Variants in EXOC3L2 observed in about 807,000 individuals in gnomAD.
EXOC3L2 encodes the protein exocyst complex component 3-like protein 2.
A neutral mutation model predicts 44.4 loss-of-function variants in EXOC3L2; 17 were observed. The ratio of observed to expected loss-of-function variants is 0.38; its 90% CI spans 0.26 to 0.57. EXOC3L2 has a LOEUF of 0.57. Ranked by LOEUF, EXOC3L2 falls within the 20% of genes least tolerant of loss-of-function variation. The pLI, the probability that EXOC3L2 is intolerant of heterozygous loss-of-function variation, is 0.65. For synonymous variants in EXOC3L2, 256 were observed against 253.7 expected, an observed-to-expected ratio of 1.01 and a Z score of -0.09; for missense variants, 541 against 588.4, an observed-to-expected ratio of 0.92 and a Z score of 0.83.
intron 8 of EXOC3L2, among the ~76,000 whole-genome samples, chr19:45,220,491 A>G (rs1487231839): frequency 1.3e-5 from 2 of 152,120 alleles, no homozygotes; most frequent in Admixed American, 6.6e-5. Flanking sequence ...CAGAAACAAA[A>G]ACAAAACTCT....
intron 4 of EXOC3L2, among the ~76,000 whole-genome samples, chr19:45,229,502 A>G (rs1970007473): frequency 6.8e-6 from 1 of 147,652 alleles, no homozygotes; most frequent in Non-Finnish European, 1.5e-5. Context: ...ACATATAAAT[A>G]TTAAATATAA....
rs1970065772 is a variant in EXOC3L2 at position 45,234,719 on chromosome 19, C to T, written c.631G>A (p.Gly211Arg). 5.1e-6 allele frequency: 2 copies of T among 391,858 alleles called. No homozygotes were observed. The highest frequency in any genetic ancestry group is 9.0e-6 in the Non-Finnish European group (2 of 221,746). 24.3% of individuals were successfully genotyped at this position (391,858 alleles called of 1,614,324 possible). A position where few individuals can be genotyped will look rare whatever the true frequency, so the allele number is the denominator to read the frequency against. The change falls in exon 3 of 12, where the codon GGG becomes AGG. Residue 211 changes from glycine (G) to arginine (R), a missense_variant. By Grantham distance (125) the Gly-to-Arg change is moderately radical. Transcript: ENST00000413988. This position sits in a 1 kb window ranked among gnomAD's most constrained non-coding sequence, Gnocchi z 5.0. The stretch of plus-strand genomic sequence containing the variant: ...CCAGCGCCCTCGGCCTTGGGAGGCC[C>T]AGGCGCGCCGCCCCTCGACGGCGCC... Reference protein sequence around the residue: ...ELAPSRGGAPGPPKAEGAGGG... With the variant: ...ELAPSRGGAPRPPKAEGAGGG...
intron 8 of EXOC3L2, among the ~76,000 whole-genome samples, chr19:45,219,992 T>C (rs1296314190): frequency 1.3e-5 from 2 of 151,270 alleles, no homozygotes; most frequent in Non-Finnish European, 2.9e-5. Context: ...GCCAGCATGG[T>C]GAAACCCCAT....
chr19:45,215,235 C>T (rs2122952605), intron 11 of EXOC3L2, among the ~76,000 whole-genome samples: 1 of 152,264 alleles, frequency 6.6e-6, no homozygotes, highest in Middle Eastern at 3.4e-3. Context: ...TCGTGGGAAG[C>T]CGAGGCAGGC....
At chr19:45,214,215 C>T (rs773111403) in intron 11 of EXOC3L2, among the ~76,000 whole-genome samples, 4 of 152,178 alleles carry the variant, frequency 2.6e-5, no homozygotes, top group Non-Finnish European at 4.4e-5. Flanking sequence ...CCCCCAGAAT[C>T]AGAACTGACC....
intron 9 of EXOC3L2, 39 bp downstream of exon 9, chr19:45,218,158 T>TTGCCCCC: frequency 5.8e-6 from 6 of 1,034,904 alleles, no homozygotes; most frequent in Non-Finnish European, 8.0e-6. Flanking sequence ...TCCCCTCTTT[T>TTGCCCCC]CCCCCACCCC....
Position 45,239,055 on chromosome 19 carries a change from T to G in EXOC3L2, c.-10A>C, listed in dbSNP as rs563408385. 1.6e-4 allele frequency: 65 copies of G among 398,888 alleles called. No homozygotes were observed. Among genetic ancestry groups the G allele is most frequent in the Non-Finnish European group, 2.3e-4 (52 of 226,094 alleles). The allele number at this position is 398,888 out of a possible 1,614,324, so 24.7% of individuals were successfully genotyped here. A position where few individuals can be genotyped will look rare whatever the true frequency, so the allele number is the denominator to read the frequency against. On this transcript the variant is annotated 5_prime_UTR_variant, in exon 2 of 12. Coordinates refer to ENST00000413988, the MANE Select transcript of EXOC3L2 (RefSeq NM_001382422.1). ...TCTTCAGGATAGGCATTTTGACAGGTGGGGACCTGGGGAAAAAAATAATGA... is the reference window on the plus strand; with the variant it reads ...TCTTCAGGATAGGCATTTTGACAGGGGGGGACCTGGGGAAAAAAATAATGA...
At chr19:45,223,937 T>C (rs1385567209) in intron 8 of EXOC3L2, among the ~76,000 whole-genome samples, 11 of 151,854 alleles carry the variant, frequency 7.2e-5, no homozygotes, top group Admixed American at 7.2e-4. Flanking sequence ...GAGGTTGCAG[T>C]GAGCTGAGAT....
chr19:45,228,183 C>A lies in EXOC3L2; in HGVS notation c.1353G>T (p.Leu451=), dbSNP rs576842051. 8.2e-5 allele frequency: 132 copies of A among 1,614,126 alleles called. No individual in the cohort carries two copies. Among genetic ancestry groups the A allele is most frequent in the Admixed American group, 2.7e-4 (16 of 59,998 alleles). Residue 451 remains leucine (L), a synonymous_variant, in exon 5 of 12, where the codon CTG becomes CTT. Transcript: ENST00000413988. ...WGSLEDQPSS[L]AQDVCELLEE... ...CTCCTACCTCACACACATCCTGGGC[C>A]AGGCTGCTGGGCTGGTCCTCCAGGC...
chr19:45,235,355 A>G (rs1970073658), intron 2 of EXOC3L2, among the ~76,000 whole-genome samples: 1 of 151,890 alleles, frequency 6.6e-6, no homozygotes, highest in Admixed American at 6.6e-5. Context: ...GTGACTGAGG[A>G]GGGGATCTGG....
chr19:45,237,349 A>T (rs553056617), intron 2 of EXOC3L2, among the ~76,000 whole-genome samples: 72 of 152,210 alleles, frequency 4.7e-4, no homozygotes, highest in African/African-American at 1.7e-3. Context: ...AAAAATGTGA[A>T]AATTAGCCAG....
Position 45,239,072 on chromosome 19 carries a change from A to C in EXOC3L2, c.-16-11T>G, listed in dbSNP as rs1970109031. ...TTGACAGGTGGGGACCTGGGGAAAAAAATAATGACCATGGGCGATGCTGAT... is the reference window on the plus strand; with the variant it reads ...TTGACAGGTGGGGACCTGGGGAAAACAATAATGACCATGGGCGATGCTGAT... On this transcript the variant is annotated splice_polypyrimidine_tract_variant and intron_variant, in intron 1 of 11. Coordinates refer to ENST00000413988, the MANE Select transcript of EXOC3L2 (RefSeq NM_001382422.1). The C allele has an allele frequency of 2.5e-6, 1 of 398,974 alleles. No individual in the cohort carries two copies. The allele number at this position is 398,974 out of a possible 1,614,324, so 24.7% of individuals were successfully genotyped here.
chr19:45,219,393 C>CAAAAAAAAAAAAAAAAAA (rs950797638), intron 8 of EXOC3L2, among the ~76,000 whole-genome samples: 17 of 51,542 alleles, frequency 3.3e-4, no homozygotes, highest in Middle Eastern at 0.01. Context: ...GGCCCCGTCT[C>CAAAAAAAAAAAAAAAAAA]AAAAAAAAAA....
intron 8 of EXOC3L2, among the ~76,000 whole-genome samples, chr19:45,222,003 A>G (rs1969903568): frequency 6.6e-6 from 1 of 151,164 alleles, no homozygotes; most frequent in Admixed American, 6.6e-5. Flanking sequence ...GAACCCACAT[A>G]ATGCCTGGGC....
intron 4 of EXOC3L2, among the ~76,000 whole-genome samples, chr19:45,228,579 C>T (rs1324085779): frequency 6.6e-6 from 1 of 152,128 alleles, no homozygotes; most frequent in African/African-American, 2.4e-5. Context: ...CAAGACCAGC[C>T]TGGCCAACAT....
Position 45,220,494 on chromosome 19 carries a change from A to G in EXOC3L2, c.1720-2175T>C, listed in dbSNP as rs191699326. On this transcript the variant is annotated intron_variant, in intron 8 of 11. Coordinates refer to ENST00000413988, the MANE Select transcript of EXOC3L2 (RefSeq NM_001382422.1). ...CAAAAAAACAAACAGAAACAAAAAC[A>G]AAACTCTTTTTCCCCCTGCCCAAAA... Among the ~76,000 whole-genome samples, 4 of 152,248 alleles carry G rather than the reference A, an allele frequency of 2.6e-5. No homozygotes were observed. In the East Asian group the frequency reaches 7.7e-4, roughly 29 times the overall value.
chr19:45,228,080 AG>A lies in EXOC3L2; in HGVS notation c.1372-7del, dbSNP rs772723687. 128 of 1,613,952 alleles carry A rather than the reference AG, an allele frequency of 7.9e-5. No individual in the cohort carries two copies. The highest frequency in any genetic ancestry group is 1.1e-4 in the Non-Finnish European group (127 of 1,180,022). On this transcript the variant is annotated splice_region_variant and splice_polypyrimidine_tract_variant and intron_variant, in intron 5 of 11. Transcript: ENST00000413988. ...TCTGTGTGCTCTTCCAGCAGCTGTGAGGTCCAGGGCGACAAGAAGAGGTGAG... is the reference window on the plus strand; with the variant it reads ...TCTGTGTGCTCTTCCAGCAGCTGTGAGTCCAGGGCGACAAGAAGAGGTGAG...
At chr19:45,214,016 C>T (rs558825101) in intron 11 of EXOC3L2, among the ~76,000 whole-genome samples, 55 of 152,082 alleles carry the variant, frequency 3.6e-4, no homozygotes, top group African/African-American at 1.2e-3. Flanking sequence ...CCCTAGGTAC[C>T]TCCTAATCTC....
At chr19:45,216,719 T>C (rs1969839104) in intron 10 of EXOC3L2, 1 of 152,606 alleles carries the variant, frequency 6.6e-6, no homozygotes, top group Non-Finnish European at 1.5e-5. Context: ...TCCAAACCTC[T>C]TCCACGTCTG....
Sources: allele counts gnomAD v4.1 joint callset (sites outside exome capture counted in the v4.1 genomes callset), GRCh38; gene constraint gnomAD v4.1.1; non-coding constraint Gnocchi (gnomAD v3.1); transcripts MANE v1.5; gene names NCBI Gene and HGNC (gene_info 2026-07-23, HGNC 2026-07-21).